The following CSMD1 variants were observed in gnomAD, a reference collection of about 807,000 sequenced individuals.
The protein encoded by CSMD1 is CUB and Sushi multiple domains 1.
In CSMD1, 213 loss-of-function variants were observed where a neutral mutation model predicts 417.5. The ratio of observed to expected loss-of-function variants is 0.51; its 90% CI spans 0.46 to 0.57. The LOEUF is 0.57. Among genes scored for constraint, CSMD1 ranks in the 20% least tolerant of loss-of-function variants. CSMD1 has a pLI of 0.00. For missense variants in CSMD1, 6,923 were observed against 4,529.7 expected (o/e 1.53, Z -15.17); for synonymous variants, 2,862 against 1,736.8 (o/e 1.65, Z -16.11).
chr8:3,941,032 T>A (rs1224686473), intron 5 of CSMD1, among the ~76,000 whole-genome samples: 2 of 152,074 alleles, frequency 1.3e-5, no homozygotes, highest in East Asian at 1.9e-4. Flanking sequence ...CTACATGTGA[T>A]AATTCAATAC....
At chr8:3,072,541 C>G (rs1210620918) in intron 49 of CSMD1, among the ~76,000 whole-genome samples, 1 of 152,186 alleles carries the variant, frequency 6.6e-6, no homozygotes, top group Non-Finnish European at 1.5e-5. Flanking sequence ...TGGAAGAGCA[C>G]AGTTCTTGGC....
intron 5 of CSMD1, among the ~76,000 whole-genome samples, chr8:3,794,827 T>G (rs1298278535): frequency 6.6e-6 from 1 of 151,950 alleles, no homozygotes; most frequent in East Asian, 1.9e-4. Flanking sequence ...ATTCTGAAGG[T>G]AAAATTATCA....
intron 7 of CSMD1, chr8:3,700,702 C>G (rs892711952): frequency 3.3e-5 from 5 of 152,100 alleles, no homozygotes; most frequent in African/African-American, 1.2e-4. Flanking sequence ...TTATTTCAGG[C>G]TGAGGAGAGA....
At chr8:3,645,905 A>G (rs1433886064) in intron 7 of CSMD1, among the ~76,000 whole-genome samples, 3 of 152,224 alleles carry the variant, frequency 2.0e-5, no homozygotes, top group African/African-American at 7.2e-5. Context: ...ATAATTTTCT[A>G]AATGTTTCCC....
chr8:3,982,935 C>G (rs537838077), intron 5 of CSMD1, among the ~76,000 whole-genome samples: 1 of 152,112 alleles, frequency 6.6e-6, no homozygotes, highest in Non-Finnish European at 1.5e-5. Flanking sequence ...GTTATATGCA[C>G]TTTGCAGATG....
intron 5 of CSMD1, among the ~76,000 whole-genome samples, chr8:3,890,706 T>A (rs1000975922): frequency 6.6e-6 from 1 of 152,174 alleles, no homozygotes; most frequent in African/African-American, 2.4e-5. Flanking sequence ...AGAAAACATT[T>A]AAAGGAAGAT....
intron 3 of CSMD1, among the ~76,000 whole-genome samples, chr8:4,376,548 A>G (rs10112707): frequency 0.21 from 31,275 of 152,010 alleles, 3,349 homozygotes; most frequent in Admixed American, 0.27. Context: ...ATTTAATTTT[A>G]TCTCATATAT....
At chr8:3,350,898 G>C (rs76619875) in intron 21 of CSMD1, among the ~76,000 whole-genome samples, 3,569 of 152,202 alleles carry the variant, frequency 0.023, 133 homozygotes, top group African/African-American at 0.082. Flanking sequence ...CTAAGTTCAA[G>C]TCCTCACTAT....
At chr8:2,960,353 G>A (rs1488253248) in intron 62 of CSMD1, among the ~76,000 whole-genome samples, 1 of 152,234 alleles carries the variant, frequency 6.6e-6, no homozygotes, top group Non-Finnish European at 1.5e-5. Flanking sequence ...AGAACAATGG[G>A]AATATTTTCG....
chr8:3,074,904 T>C (rs892148158), intron 49 of CSMD1, among the ~76,000 whole-genome samples: 3 of 152,196 alleles, frequency 2.0e-5, no homozygotes, highest in African/African-American at 4.8e-5. Context: ...TCAAATCTCA[T>C]GTTTAATTGT....
rs1377897837 is a variant in CSMD1, at chr8:4,500,605, G to A, written c.303-80540C>T. 2.0e-5 allele frequency among the ~76,000 whole-genome samples: 3 copies of A among 152,070 alleles called. 1 individual carries two copies. The highest frequency in any genetic ancestry group is 4.4e-5 in the Non-Finnish European group (3 of 67,998). On this transcript the variant is annotated intron_variant, in intron 2 of 69. Coordinates refer to ENST00000635120, the MANE Select transcript of CSMD1 (RefSeq NM_033225.6). ...GGATAGCTGTTCTAATGGCATTCGGGGAACTGGTTGTTTTTGAGCGGGAGA... is the reference window on the plus strand; with the variant it reads ...GGATAGCTGTTCTAATGGCATTCGGAGAACTGGTTGTTTTTGAGCGGGAGA...
intron 3 of CSMD1, among the ~76,000 whole-genome samples, chr8:4,231,484 TCTCACGCC>T (rs1453694637): frequency 6.6e-6 from 1 of 151,678 alleles, no homozygotes; most frequent in East Asian, 1.9e-4. Flanking sequence ...GGGCCAGCTC[TCTCACGCC>T]CTTCAATTAG....
chr8:3,485,872 G>C (rs928254557), intron 11 of CSMD1, among the ~76,000 whole-genome samples: 1 of 151,682 alleles, frequency 6.6e-6, no homozygotes, highest in Non-Finnish European at 1.5e-5. Flanking sequence ...ATCATATCAA[G>C]GTGAATATCC....
chr8:2,991,295 T>G (rs1448239651), intron 54 of CSMD1, among the ~76,000 whole-genome samples: 1 of 152,220 alleles, frequency 6.6e-6, no homozygotes. Context: ...GTTATATACA[T>G]TATTTAAATT....
chr8:4,445,989 C>G (rs1798766290), intron 2 of CSMD1, among the ~76,000 whole-genome samples: 1 of 152,116 alleles, frequency 6.6e-6, no homozygotes, highest in Non-Finnish European at 1.5e-5. Flanking sequence ...ATGTCAGTGC[C>G]TCTTCCCTGG....
chr8:3,206,117 C>T (rs1184585195), intron 30 of CSMD1, among the ~76,000 whole-genome samples: 1 of 152,044 alleles, frequency 6.6e-6, no homozygotes, highest in African/African-American at 2.4e-5. Flanking sequence ...AAGCAACATG[C>T]ATAATTACTA....
intron 3 of CSMD1, among the ~76,000 whole-genome samples, chr8:4,410,222 A>C (rs570222648): frequency 1.3e-5 from 2 of 152,346 alleles, no homozygotes; most frequent in African/African-American, 4.8e-5. Flanking sequence ...TTAGGTAACT[A>C]ATTCTGTAAG....
intron 3 of CSMD1, among the ~76,000 whole-genome samples, chr8:4,099,813 C>T (rs1161605647): frequency 6.6e-6 from 1 of 152,126 alleles, no homozygotes; most frequent in African/African-American, 2.4e-5. Flanking sequence ...ACTTTAAATC[C>T]CTGATTGTAT....
At chr8:3,731,336 G>T (rs1048788209) in intron 6 of CSMD1, among the ~76,000 whole-genome samples, 1 of 152,196 alleles carries the variant, frequency 6.6e-6, no homozygotes, top group African/African-American at 2.4e-5. Context: ...GAAAGAAAGA[G>T]ATGGAGGAAT....
Sources: gnomAD v4.1 joint callset for allele counts (sites outside exome capture counted in the v4.1 genomes callset) on GRCh38, gnomAD v4.1.1 for gene constraint, MANE v1.5 for transcripts, NCBI Gene and HGNC (gene_info 2026-07-23, HGNC 2026-07-21) for gene names.